The following FAM216A variants were observed in gnomAD, a reference collection of about 807,000 sequenced individuals.
FAM216A encodes the protein family with sequence similarity 216 member A.
FAM216A carries 26 observed loss-of-function variants against 37.6 expected under a neutral mutation model. The ratio of observed to expected loss-of-function variants is 0.69; its 90% CI spans 0.51 to 0.96. FAM216A has a LOEUF of 0.96. Ranked by LOEUF, FAM216A falls within the 40% of genes least tolerant of loss-of-function variation. FAM216A has a pLI of 0.00. For synonymous variants in FAM216A, 110 were observed against 121.7 expected (o/e 0.90, Z 0.64); for missense variants, 326 against 339.3 (o/e 0.96, Z 0.31).
chr12:110,477,193 GTCA>G (rs2062719101), intron 2 of FAM216A, among the ~76,000 whole-genome samples: 1 of 152,198 alleles, frequency 6.6e-6, no homozygotes, highest in Non-Finnish European at 1.5e-5. Context: ...TGACAATGTT[GTCA>G]TCGTTTGGTT....
intron 5 of FAM216A, 33 bp downstream of exon 5, chr12:110,486,750 A>T: frequency 6.4e-7 from 1 of 1,569,492 alleles, no homozygotes; most frequent in South Asian, 1.2e-5. Context: ...GGGGAAATGC[A>T]TCTCAGTTTA....
At chr12:110,472,546 G>C (rs923088753) in intron 1 of FAM216A, among the ~76,000 whole-genome samples, 1 of 151,968 alleles carries the variant, frequency 6.6e-6, no homozygotes, top group African/African-American at 2.4e-5. Flanking sequence ...GTGAAGGAGG[G>C]AGACCCCATC....
chr12:110,476,646 G>C (rs1002759782), intron 2 of FAM216A, among the ~76,000 whole-genome samples: 2 of 151,900 alleles, frequency 1.3e-5, no homozygotes, highest in African/African-American at 4.8e-5. Flanking sequence ...TTGTGTCTCA[G>C]CCTCTCGAGT....
chr12:110,468,748 C>G (rs1480397138), upstream of FAM216A: 2 of 1,482,722 alleles, frequency 1.3e-6, no homozygotes, highest in Non-Finnish European at 1.8e-6. Context: ...GGTCGCGGAT[C>G]TGCCCGCCCC....
intron 2 of FAM216A, among the ~76,000 whole-genome samples, chr12:110,482,307 A>C (rs928811039): frequency 4.0e-5 from 6 of 151,692 alleles, no homozygotes; most frequent in Non-Finnish European, 8.8e-5. Flanking sequence ...TGGTCTCCTG[A>C]CCTCAAGTGA....
chr12:110,470,525 T>G lies in FAM216A; in HGVS notation c.143+1507T>G, dbSNP rs1252267692. ...CAGAGTCTCCCTCTGTCACCCAGGCTGGAGTGCAGTGTCACGATCTCAGCT... is the reference window on the plus strand; with the variant it reads ...CAGAGTCTCCCTCTGTCACCCAGGCGGGAGTGCAGTGTCACGATCTCAGCT... On this transcript the variant is annotated intron_variant, in intron 1 of 6. Transcript: ENST00000377673. 2.0e-5 allele frequency among the ~76,000 whole-genome samples: 3 copies of G among 151,416 alleles called. No individual in the cohort carries two copies. In the Admixed American group the frequency reaches 2.0e-4, roughly 10 times the overall value.
At chr12:110,483,184 C>T (rs772481149) in intron 2 of FAM216A, among the ~76,000 whole-genome samples, 5 of 151,886 alleles carry the variant, frequency 3.3e-5, no homozygotes, top group African/African-American at 4.8e-5. Flanking sequence ...ACTAGCTGGG[C>T]GTGGTGGCGG....
chr12:110,478,713 A>AC (rs1442747501), intron 2 of FAM216A, among the ~76,000 whole-genome samples: 1 of 152,066 alleles, frequency 6.6e-6, no homozygotes, highest in East Asian at 1.9e-4. Flanking sequence ...CAGCCCAGGC[A>AC]CCCCGATGCC....
At chr12:110,483,571 C>T (rs544306846) in intron 2 of FAM216A, among the ~76,000 whole-genome samples, 23 of 152,306 alleles carry the variant, frequency 1.5e-4, no homozygotes, top group Middle Eastern at 3.4e-3. Flanking sequence ...TGCCTGTAAT[C>T]CCAGCACTTT....
At chr12:110,482,258 A>G (rs1212126017) in intron 2 of FAM216A, among the ~76,000 whole-genome samples, 2 of 151,710 alleles carry the variant, frequency 1.3e-5, no homozygotes, top group East Asian at 1.9e-4. Flanking sequence ...ACTTTTATAT[A>G]TTTTTAGTAG....
At chr12:110,474,056 A>G (rs2062701899) in intron 2 of FAM216A, among the ~76,000 whole-genome samples, 1 of 152,172 alleles carries the variant, frequency 6.6e-6, no homozygotes, top group Non-Finnish European at 1.5e-5. Flanking sequence ...GTAAATATAT[A>G]GTCATTACAG....
intron 3 of FAM216A, among the ~76,000 whole-genome samples, chr12:110,485,601 A>T (rs886570994): frequency 2.6e-5 from 4 of 152,146 alleles, no homozygotes; most frequent in African/African-American, 7.2e-5. Context: ...AGTAGGATTT[A>T]AAAAAAGAAA....
At position 110,486,391 on chromosome 12, in the gene FAM216A, T is replaced by C; in HGVS notation, c.373T>C (p.Tyr125His). 6.2e-7 allele frequency: 1 copy of C among 1,614,066 alleles called. No homozygotes were observed. Among genetic ancestry groups the C allele is most frequent in the South Asian group, 1.1e-5 (1 of 91,086 alleles). ...CATTGCTAAAATCTATAATGCAAAC[T>C]ATCTGAAGATGTTAATGAAGAGGCA... is the stretch of plus-strand genomic sequence containing the variant. The part of the protein sequence containing the change: ...CSIAKIYNAN[Y>H]LKMLMKRQYM... The change falls in exon 4 of 7, where the codon TAT (tyrosine) becomes CAT (histidine). Residue 125 changes from tyrosine (Y) to histidine (H), a missense_variant. Coordinates refer to ENST00000377673, the MANE Select transcript of FAM216A (RefSeq NM_013300.3).
At chr12:110,478,585 T>C (rs552067423) in intron 2 of FAM216A, among the ~76,000 whole-genome samples, 31 of 152,252 alleles carry the variant, frequency 2.0e-4, no homozygotes, top group African/African-American at 7.5e-4. Flanking sequence ...TAACACCCCA[T>C]TGTTGGCTTG....
intron 2 of FAM216A, 101 bp downstream of exon 2, chr12:110,473,219 CTT>C: frequency 2.6e-5 from 13 of 505,308 alleles, no homozygotes; most frequent in Non-Finnish European, 3.7e-5. Flanking sequence ...TTTCTTTTTT[CTT>C]TTTTTTTTGA....
upstream of FAM216A, chr12:110,468,464 T>G (rs1423612092): frequency 2.6e-6 from 4 of 1,536,976 alleles, no homozygotes; most frequent in South Asian, 4.8e-5. Flanking sequence ...CTGTCTAAGC[T>G]TGGATACCTG....
chr12:110,490,078 A>C lies in FAM216A; in HGVS notation c.763A>C (p.Asn255His). 6.4e-7 allele frequency: 1 copy of C among 1,574,144 alleles called. No homozygotes were observed. Among genetic ancestry groups the C allele is most frequent in the Non-Finnish European group, 8.7e-7 (1 of 1,143,798 alleles). ...SEEKKEEDLL[N>H]NFMQSMSIEE... ...AGAAAAAAAGGAAGAAGATTTACTA[A>C]ATAATTTTATGCAATCAATGTCAAT... is the stretch of plus-strand genomic sequence containing the variant. Residue 255 changes from asparagine to histidine, a missense_variant, in exon 7 of 7, where the codon AAT (asparagine) becomes CAT (histidine). Coordinates refer to ENST00000377673, the MANE Select transcript of FAM216A (RefSeq NM_013300.3).
rs774095714 is a variant in FAM216A at position 110,490,139 on chromosome 12, A to C, written c.*2A>C. Reference sequence around the variant, plus strand: ...GGAGAACATCTGATGTTAACTTGACAGTCTTGTCTCGTGTATTGAATTCGT... The same window carrying C: ...GGAGAACATCTGATGTTAACTTGACCGTCTTGTCTCGTGTATTGAATTCGT... On this transcript the variant is annotated 3_prime_UTR_variant, in exon 7 of 7. Coordinates refer to ENST00000377673, the MANE Select transcript of FAM216A (RefSeq NM_013300.3). 7.1e-6 allele frequency: 10 copies of C among 1,418,110 alleles called. No homozygotes were observed. In the Admixed American group the frequency reaches 1.5e-4, roughly 21 times the overall value. 87.8% of individuals were successfully genotyped at this position (1,418,110 alleles called of 1,614,324 possible).
At chr12:110,489,750 A>T (rs1195713385) in intron 6 of FAM216A, among the ~76,000 whole-genome samples, 3 of 152,184 alleles carry the variant, frequency 2.0e-5, no homozygotes, top group Non-Finnish European at 2.9e-5. Context: ...GACCACTTTA[A>T]TTTCCCCCAA....
Sources: allele counts gnomAD v4.1 joint callset (sites outside exome capture counted in the v4.1 genomes callset), GRCh38; gene constraint gnomAD v4.1.1; transcripts MANE v1.5; gene names NCBI Gene and HGNC (gene_info 2026-07-23, HGNC 2026-07-21).